INSR: variants seen among roughly 807,000 people sequenced by gnomAD.
INSR encodes the protein insulin receptor.
Under a neutral mutation model 142.6 loss-of-function variants are expected in INSR, and 67 were observed. The observed-to-expected ratio is 0.47, with a 90% CI of 0.39 to 0.58. INSR has a LOEUF of 0.58. INSR is among the 20% of genes least tolerant of loss of function. The probability of loss-of-function intolerance (pLI) is 0.00; values close to 1 mark genes in which losing one functional copy is unlikely to be tolerated. For missense variants in INSR, 1,248 were observed against 1,833.2 expected (o/e 0.68, Z 5.83); for synonymous variants, 756 against 743.1 (o/e 1.02, Z -0.28).
chr19:7,245,681 A>G (rs1250548520), intron 2 of INSR, among the ~76,000 whole-genome samples: 1 of 150,668 alleles, frequency 6.6e-6, no homozygotes, highest in Non-Finnish European at 1.5e-5. Context: ...CCTGACTTCA[A>G]GTGATCCAGC....
chr19:7,178,187 T>A (rs1420228193), intron 3 of INSR, among the ~76,000 whole-genome samples: 1 of 146,388 alleles, frequency 6.8e-6, no homozygotes, highest in Non-Finnish European at 1.5e-5. Flanking sequence ...CCCTTGGAAC[T>A]TTCTGAGTCA....
intron 2 of INSR, among the ~76,000 whole-genome samples, chr19:7,248,886 C>T (rs1317557953): frequency 6.6e-6 from 1 of 151,180 alleles, no homozygotes; most frequent in African/African-American, 2.4e-5. Context: ...CAGCCTCCCA[C>T]GTAGCTGGGA....
intron 21 of INSR, among the ~76,000 whole-genome samples, chr19:7,118,750 C>CAATA (rs1972400585): frequency 1.5e-5 from 2 of 129,224 alleles, no homozygotes; most frequent in Non-Finnish European, 3.2e-5. Flanking sequence ...ACTAAAAATA[C>CAATA]AAAAAAAAAA....
intron 2 of INSR, among the ~76,000 whole-genome samples, chr19:7,227,868 A>G (rs1175378770): frequency 6.6e-6 from 1 of 152,130 alleles, no homozygotes; most frequent in African/African-American, 2.4e-5. Flanking sequence ...ATTGTGTCCT[A>G]AAAGGTGTTT....
Position 7,152,884 on chromosome 19 carries a change from A to C in INSR, c.2073T>G (p.Ser691=). The part of the protein sequence containing the change: ...PSRTWSPPFE[S]EDSQKHNQSE... ...TCTGGTTGTGCTTCTGAGAATCTTC[A>C]GACTCGAATGGTGGAGACCAGGTCC... Residue 691 remains serine, a synonymous_variant, in exon 10 of 22, where the codon TCT becomes TCG. Transcript: ENST00000302850. 3 of 1,612,884 alleles carry C rather than the reference A, an allele frequency of 1.9e-6. No individual in the cohort carries two copies. Among genetic ancestry groups the C allele is most frequent in the Non-Finnish European group, 2.5e-6 (3 of 1,179,870 alleles).
Position 7,141,738 on chromosome 19 carries a change from G to A in INSR, c.2621C>T (p.Pro874Leu). ...NNVVHLMWQE[P>L]KEPNGLIVLY... ...CACGATCAGACCATTGGGCTCCTTC[G>A]GCTCCTGCCACATCAAGTGGACGAC... Residue 874 changes from proline (P) to leucine (L), a missense_variant, in exon 13 of 22, where the codon CCG becomes CTG. By Grantham distance (98) the Pro-to-Leu change is moderately conservative. Coordinates refer to ENST00000302850, the MANE Select transcript of INSR (RefSeq NM_000208.4). 4.3e-6 allele frequency: 7 copies of A among 1,614,096 alleles called. No homozygotes were observed. Among genetic ancestry groups the A allele is most frequent in the Admixed American group, 1.7e-5 (1 of 60,006 alleles).
intron 2 of INSR, among the ~76,000 whole-genome samples, chr19:7,186,335 T>A (rs1974430520): frequency 6.6e-6 from 1 of 152,068 alleles, no homozygotes; most frequent in Non-Finnish European, 1.5e-5. Flanking sequence ...AGAAGCTACA[T>A]CCATATATGA....
chr19:7,251,691 C>G (rs10414819), intron 2 of INSR, among the ~76,000 whole-genome samples: 51,492 of 151,682 alleles, frequency 0.34, 9,161 homozygotes, highest in East Asian at 0.54. Flanking sequence ...GGGGAAGAGG[C>G]CTGTGACTAG....
At position 7,125,049 on chromosome 19, in the gene INSR, A is replaced by C. The variant is rs149801216; in HGVS notation, c.3258+234T>G. On this transcript the variant is annotated intron_variant, in intron 17 of 21. Coordinates refer to ENST00000302850, the MANE Select transcript of INSR (RefSeq NM_000208.4). The surrounding 1 kb of genome is among the most constrained non-coding windows in gnomAD (Gnocchi z 4.9). ...ATGAAAGATTCTGGAAAGCAATGAA[A>C]CATTCCAGAAAGTGATGAGACAGTG... 2.1e-3 allele frequency among the ~76,000 whole-genome samples: 313 copies of C among 152,250 alleles called. 3 individuals are homozygous for C. The highest frequency in any genetic ancestry group is 7.1e-3 in the African/African-American group (296 of 41,548).
rs566944818 is a variant in INSR, at chr19:7,294,292, G to T, written c.-401C>A. On this transcript the variant is annotated 5_prime_UTR_variant, in exon 1 of 22. Coordinates refer to ENST00000302850, the MANE Select transcript of INSR (RefSeq NM_000208.4). ...CGGACCGACGGACTAGCTGACTGGC[G>T]GGCGGGCACCTGGGCTGGCGGGTGG... 1.2e-3 allele frequency among the ~76,000 whole-genome samples: 174 copies of T among 150,798 alleles called. No individual in the cohort carries two copies. Among genetic ancestry groups the T allele is most frequent in the African/African-American group, 3.8e-3 (156 of 41,196 alleles).
intron 13 of INSR, among the ~76,000 whole-genome samples, chr19:7,141,340 C>CCA (rs1973065407): frequency 6.6e-6 from 1 of 152,178 alleles, no homozygotes; most frequent in African/African-American, 2.4e-5. Context: ...CAGGTGTGAG[C>CCA]CACTGTACCC....
chr19:7,137,267 T>TA (rs11299975), intron 13 of INSR, among the ~76,000 whole-genome samples: 527 of 145,652 alleles, frequency 3.6e-3, no homozygotes, highest in East Asian at 8.7e-3. Flanking sequence ...GTTTCTAAAT[T>TA]AAAAAAAAAA....
chr19:7,162,482 G>A (rs987501342), intron 9 of INSR, among the ~76,000 whole-genome samples: 18 of 149,458 alleles, frequency 1.2e-4, no homozygotes, highest in Non-Finnish European at 2.7e-4. Context: ...CTGCACTCCA[G>A]CCTGGGCAAC....
chr19:7,252,798 C>T (rs56400430), intron 2 of INSR, among the ~76,000 whole-genome samples: 16,309 of 152,132 alleles, frequency 0.11, 998 homozygotes, highest in Middle Eastern at 0.14. Flanking sequence ...TGGGACAAAA[C>T]GAGAGGCAAA....
chr19:7,220,881 G>T (rs965133258), intron 2 of INSR, among the ~76,000 whole-genome samples: 1 of 152,118 alleles, frequency 6.6e-6, no homozygotes, highest in Non-Finnish European at 1.5e-5. Context: ...GCATTGAGAG[G>T]TGGGGCCTTT....
At chr19:7,256,836 A>T (rs1568222768) in intron 2 of INSR, among the ~76,000 whole-genome samples, 1 of 148,116 alleles carries the variant, frequency 6.8e-6, no homozygotes. Flanking sequence ...TCTCTCCTAG[A>T]TTTTTTTTTT....
intron 2 of INSR, among the ~76,000 whole-genome samples, chr19:7,266,414 T>C (rs537056850): frequency 4.3e-4 from 65 of 150,484 alleles, no homozygotes; most frequent in Non-Finnish European, 8.1e-4. Flanking sequence ...AGAAGGAGTT[T>C]CCCTCTGGTT....
At position 7,294,347 on chromosome 19, in the gene INSR, G is replaced by C. The variant is rs2860190; in HGVS notation, c.-456C>G. On this transcript the variant is annotated 5_prime_UTR_variant, in exon 1 of 22. Coordinates refer to ENST00000302850, the MANE Select transcript of INSR (RefSeq NM_000208.4). ...CGGGCGGCGGGAGAGAGGGCTGCTC[G>C]GGCCCGTAAACAACGCGGCCCGTCA... Among the ~76,000 whole-genome samples the C allele has an allele frequency of 0.047, 7,175 of 151,538 alleles. 245 individuals carry two copies. Among genetic ancestry groups the C allele is most frequent in the Non-Finnish European group, 0.074 (4,998 of 67,672 alleles).
chr19:7,182,534 T>A (rs11672597), intron 3 of INSR, among the ~76,000 whole-genome samples: 27,381 of 151,950 alleles, frequency 0.18, 2,934 homozygotes, highest in South Asian at 0.22. Context: ...ATTAATTAAT[T>A]AAAAGCTTCA....
Sources: gnomAD v4.1 joint callset for allele counts (sites outside exome capture counted in the v4.1 genomes callset) on GRCh38, gnomAD v4.1.1 for gene constraint, Gnocchi (gnomAD v3.1) non-coding constraint, MANE v1.5 for transcripts, NCBI Gene and HGNC (gene_info 2026-07-23, HGNC 2026-07-21) for gene names.